Variants in UGT1A5 observed in about 807,000 individuals in gnomAD.
UGT1A5 encodes UDP-glucuronosyltransferase 1A5.
A neutral mutation model predicts 40.3 loss-of-function variants in UGT1A5; 29 were observed. The ratio of observed to expected loss-of-function variants is 0.72; its 90% CI spans 0.54 to 0.98. The LOEUF (loss-of-function observed/expected upper bound fraction) is 0.98, where lower values mean the gene tolerates loss of function less well. Ranked by LOEUF, UGT1A5 falls within the 50% of genes least tolerant of loss-of-function variation. UGT1A5 has a pLI of 0.00. For missense variants in UGT1A5, 678 were observed against 677.9 expected, an observed-to-expected ratio of 1.00 and a Z score of 0.00; for synonymous variants, 257 against 262.5, an observed-to-expected ratio of 0.98 and a Z score of 0.20.
intron 1 of UGT1A5, chr2:233,761,148 C>G: frequency 6.2e-7 from 1 of 1,614,128 alleles, no homozygotes; most frequent in South Asian, 1.1e-5. Flanking sequence ...ATCCACTATC[C>G]CAGGTGTGTA....
Position 233,729,304 on chromosome 2 carries a change from G to A in UGT1A5, c.867+15446G>A, listed in dbSNP as rs779287318. ...CCATGCCAGAGGCCACCAGGCAGTG[G>A]TCCTCACCCCAGAGGTGAATATGCA... is the stretch of plus-strand genomic sequence containing the variant. On this transcript the variant is annotated intron_variant, in intron 1 of 4. Transcript: ENST00000373414. 10 of 1,614,264 alleles carry A rather than the reference G, an allele frequency of 6.2e-6. No homozygotes were observed. In the South Asian group the frequency reaches 1.1e-4, roughly 18 times the overall value.
chr2:233,761,781 G>A (rs527861889), intron 1 of UGT1A5, among the ~76,000 whole-genome samples: 8 of 152,266 alleles, frequency 5.3e-5, no homozygotes, highest in South Asian at 2.1e-4. Flanking sequence ...CATCCTCATC[G>A]AAATCTCAGC....
At chr2:233,771,306 T>TTTCCCTCTCCTC (rs2126060458) in intron 4 of UGT1A5, 1 of 152,368 alleles carries the variant, frequency 6.6e-6, no homozygotes, top group South Asian at 2.1e-4. Context: ...TCCTCCTCCT[T>TTTCCCTCTCCTC]TTCCCTCTCC....
At chr2:233,760,708 G>A in intron 1 of UGT1A5, 2 of 1,614,172 alleles carry the variant, frequency 1.2e-6, no homozygotes, top group East Asian at 2.2e-5. Context: ...GGCCTCCCTG[G>A]CAGAAAGCAG....
intron 1 of UGT1A5, chr2:233,754,501 CT>C (rs1695497975): frequency 2.8e-6 from 1 of 356,918 alleles, no homozygotes; most frequent in Non-Finnish European, 5.6e-6. Context: ...AAAAAGTCCG[CT>C]ATTCCTCCAG....
chr2:233,755,346 G>A (rs1313684064), intron 1 of UGT1A5: 3 of 411,522 alleles, frequency 7.3e-6, no homozygotes, highest in African/African-American at 6.3e-5. Context: ...CAGGTCAGAG[G>A]CTTGGCGACC....
chr2:233,747,949 T>G lies in UGT1A5; in HGVS notation c.868-19085T>G. ...CTTTTTCAGAGGGAGGTGTCAGTGG[T>G]GGATCTTCTCAGCCATGCATCTGTG... is the stretch of plus-strand genomic sequence containing the variant. On this transcript the variant is annotated intron_variant, in intron 1 of 4. Transcript: ENST00000373414. 2.5e-6 allele frequency: 4 copies of G among 1,613,408 alleles called. No individual in the cohort carries two copies. In the South Asian group the frequency reaches 4.4e-5, roughly 18 times the overall value.
intron 1 of UGT1A5, chr2:233,747,528 T>C: frequency 6.2e-7 from 1 of 1,605,898 alleles, no homozygotes; most frequent in Non-Finnish European, 8.5e-7. Context: ...AACAGAACAT[T>C]TTCTGAAGAC....
At chr2:233,765,695 ATAATAATAATAATAAT>A (rs1033390367) in intron 1 of UGT1A5, among the ~76,000 whole-genome samples, 7 of 145,802 alleles carry the variant, frequency 4.8e-5, no homozygotes, top group Admixed American at 1.4e-4. Flanking sequence ...CTTCAAGTAA[ATAATAATAATAATAAT>A]TAATAATAAT....
intron 1 of UGT1A5, among the ~76,000 whole-genome samples, chr2:233,745,546 A>G (rs1693142103): frequency 6.6e-6 from 1 of 151,692 alleles, no homozygotes. Flanking sequence ...CACCAGAACA[A>G]ACTTCTAAGT....
intron 1 of UGT1A5, among the ~76,000 whole-genome samples, chr2:233,731,547 T>A (rs548605747): frequency 6.6e-6 from 1 of 152,218 alleles, no homozygotes; most frequent in Non-Finnish European, 1.5e-5. Flanking sequence ...TGGTTTTCTG[T>A]CCATGTGATA....
chr2:233,771,841 C>T (rs1700397789), intron 4 of UGT1A5, among the ~76,000 whole-genome samples: 1 of 147,174 alleles, frequency 6.8e-6, no homozygotes, highest in South Asian at 2.4e-4. Flanking sequence ...CCTTCTCTTC[C>T]TTCTTTTTCA....
At chr2:233,713,955 C>T in intron 1 of UGT1A5, 97 bp downstream of exon 1, 1 of 1,607,704 alleles carries the variant, frequency 6.2e-7, no homozygotes, top group Non-Finnish European at 8.5e-7. Context: ...CTTATCTTTC[C>T]AAAGATTTCA....
chr2:233,734,820 G>A (rs1460443143), intron 1 of UGT1A5, among the ~76,000 whole-genome samples: 12 of 152,202 alleles, frequency 7.9e-5, no homozygotes, highest in Non-Finnish European at 1.3e-4. Context: ...GTAGTTGTGC[G>A]ATTTTGAGTG....
At chr2:233,761,602 T>C (rs529551747) in intron 1 of UGT1A5, among the ~76,000 whole-genome samples, 4 of 152,366 alleles carry the variant, frequency 2.6e-5, no homozygotes, top group African/African-American at 9.6e-5. Flanking sequence ...AGCTCCAGTT[T>C]CTAAATATTC....
chr2:233,731,475 C>A lies in UGT1A5; in HGVS notation c.867+17617C>A, dbSNP rs368820066. ...AACAGGCCCTGGCGTGTGATGTTCC[C>A]TGGCCTGTGTCCAGTGTTCTTGCTG... On this transcript the variant is annotated intron_variant, in intron 1 of 4. Coordinates refer to ENST00000373414, the MANE Select transcript of UGT1A5 (RefSeq NM_019078.2). Among the ~76,000 whole-genome samples the A allele has an allele frequency of 3.1e-4, 47 of 152,264 alleles. No homozygotes were observed. The South Asian group carries it at 9.3e-3, about 30-fold the overall frequency.
chr2:233,749,994 T>C (rs551997072), intron 1 of UGT1A5, among the ~76,000 whole-genome samples: 1 of 151,898 alleles, frequency 6.6e-6, no homozygotes, highest in South Asian at 2.1e-4. Context: ...GACTAATATA[T>C]TAAATTGGTG....
At chr2:233,743,230 T>A (rs751434159) in intron 1 of UGT1A5, 5 of 416,618 alleles carry the variant, frequency 1.2e-5, no homozygotes, top group Non-Finnish European at 2.4e-5. Flanking sequence ...TGCTATTTAT[T>A]ATGAAGGACT....
rs1482422312 is a variant in UGT1A5, at chr2:233,772,303, A to G, written c.1349A>G (p.Asp450Gly). 3 of 1,614,112 alleles carry G rather than the reference A, an allele frequency of 1.9e-6. No individual in the cohort carries two copies. Among genetic ancestry groups the G allele is most frequent in the Non-Finnish European group, 2.5e-6 (3 of 1,180,052 alleles). The change falls in exon 5 of 5, where the codon GAC becomes GGC. Residue 450 changes from aspartate to glycine, a missense_variant. Transcript: ENST00000373414. Reference sequence around the variant, plus strand: ...ATGCGCCTCTCCAGCCTTCACAAGGACCGCCCGGTGGAGCCGCTGGACCTG... The same window carrying G: ...ATGCGCCTCTCCAGCCTTCACAAGGGCCGCCCGGTGGAGCCGCTGGACCTG... ...NIMRLSSLHK[D>G]RPVEPLDLAV...
Sources: allele counts gnomAD v4.1 joint callset (sites outside exome capture counted in the v4.1 genomes callset), GRCh38; gene constraint gnomAD v4.1.1; transcripts MANE v1.5; gene names NCBI Gene and HGNC (gene_info 2026-07-23, HGNC 2026-07-21).